The following TENM3 variants were observed in gnomAD, a reference collection of about 807,000 sequenced individuals.
The protein encoded by TENM3 is teneurin-3.
Under a neutral mutation model 255.1 loss-of-function variants are expected in TENM3, and 63 were observed. The ratio of observed to expected loss-of-function variants is 0.25; its 90% CI spans 0.20 to 0.30. The LOEUF is 0.30. Among genes scored for constraint, TENM3 ranks in the 10% least tolerant of loss-of-function variants. TENM3 has a pLI of 1.00. For missense variants in TENM3, 2,929 were observed against 3,461.1 expected (o/e 0.85, Z 3.86); for synonymous variants, 1,306 against 1,322.3 (o/e 0.99, Z 0.27).
the TENM3 span, among the ~76,000 whole-genome samples, chr4:181,957,491 A>G: frequency 6.6e-6 from 1 of 152,212 alleles, no homozygotes. Context: ...CCAAAACCCA[A>G]TTTTTAAGAT....
chr4:181,491,742 CATT>C, the TENM3 span, among the ~76,000 whole-genome samples: 1 of 151,982 alleles, frequency 6.6e-6, no homozygotes. Flanking sequence ...TATTAAAATA[CATT>C]ATTCTATGTA....
At chr4:181,635,350 G>T in the TENM3 span, among the ~76,000 whole-genome samples, 1 of 152,158 alleles carries the variant, frequency 6.6e-6, no homozygotes, top group Non-Finnish European at 1.5e-5. Context: ...CTAAACATGG[G>T]ATTGAAAGAC....
the TENM3 span, among the ~76,000 whole-genome samples, chr4:181,901,529 C>T: frequency 2.6e-5 from 4 of 152,176 alleles, no homozygotes; most frequent in African/African-American, 9.7e-5. Flanking sequence ...TTAGAGATTT[C>T]CAATGGAAAT....
At chr4:182,408,125 C>G (rs1227170900) in intron 3 of TENM3, among the ~76,000 whole-genome samples, 1 of 152,200 alleles carries the variant, frequency 6.6e-6, no homozygotes, top group Admixed American at 6.5e-5. Context: ...GGACCATAAT[C>G]TAACACCCCA....
At chr4:181,713,658 A>T in the TENM3 span, among the ~76,000 whole-genome samples, 1 of 152,152 alleles carries the variant, frequency 6.6e-6, no homozygotes, top group Non-Finnish European at 1.5e-5. Flanking sequence ...CCACTATATT[A>T]CTTGTGGTTT....
intron 1 of TENM3, chr4:182,145,284 G>C (rs1214490355): frequency 3.9e-5 from 6 of 152,298 alleles, no homozygotes; most frequent in Non-Finnish European, 7.3e-5. Flanking sequence ...GTGAAGGAGG[G>C]AGAGTGCGGG....
chr4:181,615,008 G>A, the TENM3 span, among the ~76,000 whole-genome samples: 1 of 152,184 alleles, frequency 6.6e-6, no homozygotes, highest in African/African-American at 2.4e-5. Context: ...TTTTGGAAAT[G>A]GAAGGCAGGG....
chr4:181,885,796 T>C, the TENM3 span, among the ~76,000 whole-genome samples: 5 of 152,234 alleles, frequency 3.3e-5, no homozygotes, highest in Non-Finnish European at 5.9e-5. Context: ...GGTATACCTA[T>C]ATCTCATAAC....
intron 3 of TENM3, among the ~76,000 whole-genome samples, chr4:182,399,780 GTTA>G (rs1293396945): frequency 6.6e-6 from 1 of 152,192 alleles, no homozygotes; most frequent in Non-Finnish European, 1.5e-5. Context: ...TATACAGCAT[GTTA>G]TTGTTGTGGA....
chr4:182,659,888 A>C (rs1350405829), intron 6 of TENM3, among the ~76,000 whole-genome samples: 1 of 152,200 alleles, frequency 6.6e-6, no homozygotes, highest in African/African-American at 2.4e-5. Flanking sequence ...TAGCACACAG[A>C]GACAAGGAGT....
chr4:182,694,616 T>C (rs1757251999), intron 12 of TENM3, among the ~76,000 whole-genome samples: 1 of 152,226 alleles, frequency 6.6e-6, no homozygotes, highest in Non-Finnish European at 1.5e-5. Context: ...GTTTTTATTC[T>C]AATTCTTAGT....
the TENM3 span, among the ~76,000 whole-genome samples, chr4:181,525,970 C>T: frequency 2.1e-4 from 32 of 152,246 alleles, no homozygotes; most frequent in African/African-American, 7.2e-4. Context: ...TAGATCTTAA[C>T]CAAATAATGT....
intron 1 of TENM3, among the ~76,000 whole-genome samples, chr4:182,171,064 A>G (rs1286179861): frequency 6.6e-6 from 1 of 152,194 alleles, no homozygotes; most frequent in African/African-American, 2.4e-5. Context: ...ATAAATTTGA[A>G]AAATACCTTT....
the TENM3 span, among the ~76,000 whole-genome samples, chr4:181,448,272 T>C: frequency 2.1e-5 from 3 of 141,288 alleles, no homozygotes; most frequent in Non-Finnish European, 4.6e-5. Context: ...GTTCACGCCA[T>C]TCTCCTGCCT....
the TENM3 span, among the ~76,000 whole-genome samples, chr4:181,488,459 G>T: frequency 2.6e-5 from 4 of 152,114 alleles, no homozygotes; most frequent in Admixed American, 6.6e-5. Context: ...TCTCTGGAAA[G>T]ATTCGTTTTT....
chr4:181,764,021 TTC>T, the TENM3 span, among the ~76,000 whole-genome samples: 1 of 152,320 alleles, frequency 6.6e-6, no homozygotes, highest in South Asian at 2.1e-4. Context: ...ATTTTTACTA[TTC>T]TGTTTCCTTG....
rs1581143124 is a variant in TENM3 at position 182,625,638 on chromosome 4, T to C, written c.750-3013T>C. Reference sequence around the variant, plus strand: ...TCCTATACTTGGCAAAGATGATCATTTGGCCCTGTGAAATTCATACACCAG... The same window carrying C: ...TCCTATACTTGGCAAAGATGATCATCTGGCCCTGTGAAATTCATACACCAG... On this transcript the variant is annotated intron_variant, in intron 4 of 27. Coordinates refer to ENST00000511685, the MANE Select transcript of TENM3 (RefSeq NM_001080477.4). 2.6e-5 allele frequency among the ~76,000 whole-genome samples: 4 copies of C among 152,304 alleles called. No individual in the cohort carries two copies. In the East Asian group the frequency reaches 7.7e-4, roughly 29 times the overall value.
chr4:182,528,307 A>C (rs1739435239), intron 3 of TENM3, among the ~76,000 whole-genome samples: 1 of 152,044 alleles, frequency 6.6e-6, no homozygotes, highest in Non-Finnish European at 1.5e-5. Flanking sequence ...TAGTAGAGAC[A>C]GGGTTTCACA....
At chr4:182,708,584 G>A (rs1220828894) in intron 12 of TENM3, among the ~76,000 whole-genome samples, 1 of 152,134 alleles carries the variant, frequency 6.6e-6, no homozygotes, top group African/African-American at 2.4e-5. Flanking sequence ...TGGATCATGA[G>A]GTCAGGAGAT....
Sources: gnomAD v4.1 joint callset for allele counts (sites outside exome capture counted in the v4.1 genomes callset) on GRCh38, gnomAD v4.1.1 for gene constraint, MANE v1.5 for transcripts, NCBI Gene and HGNC (gene_info 2026-07-23, HGNC 2026-07-21) for gene names.